The following ILRUN variants were observed in gnomAD, a reference collection of about 807,000 sequenced individuals.
ILRUN encodes inflammation and lipid regulator with UBA-like and NBR1-like domains, also known as protein ILRUN.
In ILRUN, 3 loss-of-function variants were observed where a neutral mutation model predicts 33.8. The observed-to-expected ratio is 0.09, with a 90% CI of 0.04 to 0.23. The LOEUF (loss-of-function observed/expected upper bound fraction) is 0.23. Ranked by LOEUF, ILRUN falls within the 10% of genes least tolerant of loss-of-function variation. ILRUN has a pLI of 1.00. For missense variants in ILRUN, 210 were observed against 375.1 expected (o/e 0.56, Z 3.64); for synonymous variants, 124 against 138.9 (o/e 0.89, Z 0.75).
chr6:34,611,279 T>C (rs552732503), intron 3 of ILRUN, among the ~76,000 whole-genome samples: 10 of 152,132 alleles, frequency 6.6e-5, no homozygotes, highest in Admixed American at 5.9e-4. Flanking sequence ...CCAGAACTTA[T>C]CATACTTAAG....
chr6:34,649,376 T>A (rs1186882643), intron 2 of ILRUN, among the ~76,000 whole-genome samples: 1 of 152,170 alleles, frequency 6.6e-6, no homozygotes, highest in African/African-American at 2.4e-5. Flanking sequence ...GACTCCAAAT[T>A]AAGTCTCAGT....
chr6:34,631,558 A>G (rs1389605184), intron 3 of ILRUN, among the ~76,000 whole-genome samples: 3 of 152,042 alleles, frequency 2.0e-5, no homozygotes, highest in African/African-American at 4.8e-5. Flanking sequence ...CAAACACCTG[A>G]CCTCAAGTGA....
chr6:34,650,605 G>T (rs1336446274), intron 2 of ILRUN, among the ~76,000 whole-genome samples: 1 of 151,432 alleles, frequency 6.6e-6, no homozygotes, highest in Non-Finnish European at 1.5e-5. Context: ...TAATTTTTTT[G>T]CAGTTTTAGT....
intron 4 of ILRUN, among the ~76,000 whole-genome samples, chr6:34,601,495 T>G (rs1761506894): frequency 6.6e-6 from 1 of 151,912 alleles, no homozygotes; most frequent in Non-Finnish European, 1.5e-5. Flanking sequence ...ACATAAGCAC[T>G]AGCCCAGTTG....
At position 34,611,739 on chromosome 6, in the gene ILRUN, T is replaced by C. The variant is rs1052662861; in HGVS notation, c.512-4835A>G. Among the ~76,000 whole-genome samples, 7 of 152,292 alleles carry C rather than the reference T, an allele frequency of 4.6e-5. No homozygotes were observed. The East Asian group carries it at 1.2e-3, about 25-fold the overall frequency. ...AGTGGAAGAGATCATCCAATGAAAC[T>C]GCTTCGTTTTCTAGATTTAAAAAAT... On this transcript the variant is annotated intron_variant, in intron 3 of 4. Transcript: ENST00000374023.
At position 34,627,077 on chromosome 6, in the gene ILRUN, GC is replaced by G. The variant is rs77051892; in HGVS notation, c.511+19523del. On this transcript the variant is annotated intron_variant, in intron 3 of 4. Coordinates refer to ENST00000374023, the MANE Select transcript of ILRUN (RefSeq NM_024294.4). ...GTATTCTGCCTATTCATCTCTCCCT[GC>G]CCCCAGTTCTGACAACCACTGATGC... Among the ~76,000 whole-genome samples the G allele has an allele frequency of 8.6e-4, 130 of 151,752 alleles. 1 individual carries two copies. In the East Asian group the frequency reaches 0.024, roughly 28 times the overall value.
At chr6:34,676,917 C>G (rs1249518967) in intron 1 of ILRUN, among the ~76,000 whole-genome samples, 2 of 151,254 alleles carry the variant, frequency 1.3e-5, no homozygotes, top group Admixed American at 1.3e-4. Flanking sequence ...TATCAAGAAC[C>G]TTCAAAAGGG....
chr6:34,591,018 T>C (rs943616488), intron 4 of ILRUN, among the ~76,000 whole-genome samples: 1 of 152,182 alleles, frequency 6.6e-6, no homozygotes, highest in Non-Finnish European at 1.5e-5. Context: ...TAACAACACA[T>C]ATATCAGCAA....
chr6:34,678,798 T>C (rs924983028), intron 1 of ILRUN, among the ~76,000 whole-genome samples: 40 of 125,108 alleles, frequency 3.2e-4, no homozygotes, highest in African/African-American at 1.2e-3. Flanking sequence ...GAGCTTGCAG[T>C]GAGCCGAGAT....
chr6:34,663,992 G>A (rs1215666601), intron 1 of ILRUN, among the ~76,000 whole-genome samples: 3 of 152,140 alleles, frequency 2.0e-5, no homozygotes, highest in African/African-American at 7.2e-5. Flanking sequence ...GTGTAAGAAC[G>A]ACTCAGCTTT....
At chr6:34,636,017 G>T (rs1762360731) in intron 3 of ILRUN, among the ~76,000 whole-genome samples, 1 of 152,118 alleles carries the variant, frequency 6.6e-6, no homozygotes, top group Non-Finnish European at 1.5e-5. Context: ...CAGCACTTCG[G>T]GAGGCGAAGA....
chr6:34,657,674 ACAC>A (rs2127367880), intron 1 of ILRUN, among the ~76,000 whole-genome samples: 1 of 152,336 alleles, frequency 6.6e-6, no homozygotes, highest in African/African-American at 2.4e-5. Flanking sequence ...TCAAGCAGGT[ACAC>A]AGCTACAAAT....
chr6:34,685,670 T>C (rs559237951), intron 1 of ILRUN: 1 of 152,318 alleles, frequency 6.6e-6, no homozygotes, highest in East Asian at 1.9e-4. Flanking sequence ...ACATCTAGTT[T>C]TGAATGCCAA....
rs1761245631 is a variant in ILRUN at position 34,588,964 on chromosome 6, C to T, written c.*1601G>A. 6.5e-6 allele frequency: 1 copy of T among 152,720 alleles called. No individual in the cohort carries two copies. The highest frequency in any genetic ancestry group is 2.4e-5 in the African/African-American group (1 of 41,446). The allele number at this position is 152,720 out of a possible 1,614,324, so 9.5% of individuals were successfully genotyped here. ...TCACCCACACCCAGGCTATATGACT[C>T]CTTGCAGCCACTCATTACCTGGTCT... On this transcript the variant is annotated 3_prime_UTR_variant, in exon 5 of 5. Transcript: ENST00000374023.
intron 4 of ILRUN, among the ~76,000 whole-genome samples, chr6:34,605,294 G>A (rs9461991): frequency 0.19 from 22,533 of 115,660 alleles, 2,396 homozygotes; most frequent in African/African-American, 0.34. Context: ...CAAGAAGAGC[G>A]AAACTCCGTC....
intron 3 of ILRUN, among the ~76,000 whole-genome samples, chr6:34,644,256 A>G (rs989160855): frequency 6.6e-6 from 1 of 152,142 alleles, no homozygotes; most frequent in African/African-American, 2.4e-5. Flanking sequence ...AGTCATGTAT[A>G]TTGTCTTCTT....
chr6:34,693,676 T>A (rs911496503), intron 1 of ILRUN, among the ~76,000 whole-genome samples: 19 of 150,348 alleles, frequency 1.3e-4, no homozygotes, highest in South Asian at 2.1e-4. Flanking sequence ...TATTTTATTT[T>A]TTTTTTTTGA....
At chr6:34,643,444 A>G (rs1371030086) in intron 3 of ILRUN, among the ~76,000 whole-genome samples, 1 of 152,166 alleles carries the variant, frequency 6.6e-6, no homozygotes, top group Non-Finnish European at 1.5e-5. Context: ...AACAGTTTCC[A>G]TGAGAAATCA....
intron 2 of ILRUN, among the ~76,000 whole-genome samples, chr6:34,650,436 T>C (rs1762641427): frequency 6.6e-6 from 1 of 150,498 alleles, no homozygotes; most frequent in Admixed American, 6.6e-5. Context: ...TATTTATTTA[T>C]TTATTTATTT....
Sources: gnomAD v4.1 joint callset for allele counts (sites outside exome capture counted in the v4.1 genomes callset) on GRCh38, gnomAD v4.1.1 for gene constraint, MANE v1.5 for transcripts, NCBI Gene and HGNC (gene_info 2026-07-23, HGNC 2026-07-21) for gene names.